PUM2: variants seen among roughly 807,000 people sequenced by gnomAD.
The protein encoded by PUM2 is pumilio RNA binding family member 2.
In PUM2, 57 loss-of-function variants were observed where a neutral mutation model predicts 124.5. The observed-to-expected ratio is 0.46, with a 90% CI of 0.37 to 0.57. The LOEUF (loss-of-function observed/expected upper bound fraction) is 0.57. Ranked by LOEUF, PUM2 falls within the 20% of genes least tolerant of loss-of-function variation. The pLI is 0.00. For missense variants in PUM2, 1,065 were observed against 1,290.6 expected (o/e 0.83, Z 2.68); for synonymous variants, 460 against 446.1 (o/e 1.03, Z -0.39).
chr2:20,288,537 AGT>A (rs911387134), intron 10 of PUM2, among the ~76,000 whole-genome samples: 4 of 152,210 alleles, frequency 2.6e-5, no homozygotes, highest in African/African-American at 7.2e-5. Context: ...AGAATAGCAC[AGT>A]GGGGTTGAAA....
intron 1 of PUM2, chr2:20,332,833 T>C (rs2148942534): frequency 6.6e-6 from 1 of 152,318 alleles, no homozygotes; most frequent in East Asian, 1.9e-4. Context: ...CACTGTTTAT[T>C]TGAAAAAAAT....
At chr2:20,252,740 C>T (rs1663755836) in intron 20 of PUM2, among the ~76,000 whole-genome samples, 1 of 152,252 alleles carries the variant, frequency 6.6e-6, no homozygotes, top group African/African-American at 2.4e-5. Context: ...ACTACCTCCC[C>T]ACAACATAAA....
In PUM2 at chr2:20,274,005, G is replaced by T. The variant is rs1043896028; in HGVS notation, c.1957+4578C>A. On this transcript the variant is annotated intron_variant, in intron 13 of 20. Transcript: ENST00000361078. ...AGTTATTTATATACTTTGTAAAATT[G>T]TTCAGTTCCTATAGAATAGCATAAT... Among the ~76,000 whole-genome samples the T allele has an allele frequency of 5.3e-5, 8 of 152,194 alleles. 1 individual carries two copies. The South Asian group carries it at 8.3e-4, about 16-fold the overall frequency.
At chr2:20,321,833 A>G (rs529350296) in intron 2 of PUM2, among the ~76,000 whole-genome samples, 5 of 152,256 alleles carry the variant, frequency 3.3e-5, no homozygotes, top group African/African-American at 7.2e-5. Context: ...ACTCTAAAAG[A>G]AGGTCAGGCA....
chr2:20,336,793 T>G (rs1384021961), intron 1 of PUM2, among the ~76,000 whole-genome samples: 7 of 99,186 alleles, frequency 7.1e-5, no homozygotes, highest in African/African-American at 2.6e-4. Context: ...TGTGTGTGTG[T>G]GTGTGTGTGG....
At chr2:20,297,169 T>G (rs1288703758) in intron 8 of PUM2, among the ~76,000 whole-genome samples, 1 of 152,248 alleles carries the variant, frequency 6.6e-6, no homozygotes, top group Non-Finnish European at 1.5e-5. Flanking sequence ...TTTATCTTAC[T>G]CTATTCTACC....
At chr2:20,279,816 G>GTCCAA (rs1481765387) in intron 12 of PUM2, among the ~76,000 whole-genome samples, 1 of 152,070 alleles carries the variant, frequency 6.6e-6, no homozygotes, top group African/African-American at 2.4e-5. Context: ...TCTAAGGGCT[G>GTCCAA]TCCAAACTCT....
intron 8 of PUM2, among the ~76,000 whole-genome samples, chr2:20,296,350 C>T (rs183721886): frequency 3.9e-5 from 6 of 152,186 alleles, no homozygotes; most frequent in Admixed American, 2.0e-4. Context: ...AAAAAATTAG[C>T]CAGGCGTGGT....
intron 16 of PUM2, 142 bp from the exon 17 acceptor site, chr2:20,256,312 A>G: frequency 1.3e-6 from 1 of 766,266 alleles, no homozygotes; most frequent in Non-Finnish European, 1.9e-6. Flanking sequence ...GGGAACACAA[A>G]TATATTCACA....
chr2:20,270,019 T>C lies in PUM2; in HGVS notation c.1958-6559A>G, dbSNP rs770913439. On this transcript the variant is annotated intron_variant, in intron 13 of 20. Transcript: ENST00000361078. ...TTTCCATTACCCTATCAAAAGGGGG[T>C]AATGTATAGTTCCAAAAGTTGCCTC... Among the ~76,000 whole-genome samples the C allele has an allele frequency of 4.7e-4, 72 of 152,106 alleles. No homozygotes were observed. In the Middle Eastern group the frequency reaches 0.027, roughly 57 times the overall value.
Position 20,260,325 on chromosome 2 carries a change from A to G in PUM2, c.2355+12T>C. Reference sequence around the variant, plus strand: ...TGGATGGGCGGATATACAAATATGCATGAATCCTTACCTCAAAAAACTTCT... The same window carrying G: ...TGGATGGGCGGATATACAAATATGCGTGAATCCTTACCTCAAAAAACTTCT... On this transcript the variant is annotated intron_variant, in intron 15 of 20. Coordinates refer to ENST00000361078, the MANE Select transcript of PUM2 (RefSeq NM_015317.5). 3 of 1,603,538 alleles carry G rather than the reference A, an allele frequency of 1.9e-6. No individual in the cohort carries two copies. In the South Asian group the frequency reaches 3.3e-5, roughly 18 times the overall value.
chr2:20,315,560 C>CA (rs937373769), intron 3 of PUM2, among the ~76,000 whole-genome samples: 6 of 151,926 alleles, frequency 3.9e-5, no homozygotes, highest in African/African-American at 1.5e-4. Context: ...ATGAGTGGTA[C>CA]AAAAAATTGA....
At chr2:20,329,806 G>T (rs1413869449) in intron 1 of PUM2, among the ~76,000 whole-genome samples, 1 of 152,154 alleles carries the variant, frequency 6.6e-6, no homozygotes, top group Non-Finnish European at 1.5e-5. Flanking sequence ...ATTTAGTTGG[G>T]TGTTACAAGA....
At chr2:20,336,342 G>A (rs1290783576) in intron 1 of PUM2, among the ~76,000 whole-genome samples, 3 of 151,726 alleles carry the variant, frequency 2.0e-5, no homozygotes, top group Non-Finnish European at 4.4e-5. Flanking sequence ...ATACCACTAT[G>A]CCCAACTAAT....
chr2:20,332,595 A>C (rs1246981831), intron 1 of PUM2, among the ~76,000 whole-genome samples: 1 of 152,146 alleles, frequency 6.6e-6, no homozygotes. Flanking sequence ...AGTTGAAGAG[A>C]TGGGGAGACA....
intron 1 of PUM2, among the ~76,000 whole-genome samples, chr2:20,336,141 C>T (rs1211355279): frequency 1.3e-5 from 2 of 152,136 alleles, no homozygotes; most frequent in East Asian, 3.8e-4. Context: ...ATGAAGATGA[C>T]AAGCTTTAGA....
intron 2 of PUM2, among the ~76,000 whole-genome samples, chr2:20,323,611 G>A (rs530776371): frequency 2.0e-5 from 3 of 151,982 alleles, no homozygotes; most frequent in South Asian, 2.1e-4. Flanking sequence ...TCACTTTAAC[G>A]ATTTTGTCCA....
chr2:20,351,009 T>A (rs1689279114), upstream of PUM2, among the ~76,000 whole-genome samples: 1 of 151,618 alleles, frequency 6.6e-6, no homozygotes, highest in Admixed American at 6.6e-5. Flanking sequence ...CTCTCACGTG[T>A]TTGGCCGCCT....
At chr2:20,262,235 C>T (rs1433929044) in intron 14 of PUM2, among the ~76,000 whole-genome samples, 1 of 152,224 alleles carries the variant, frequency 6.6e-6, no homozygotes, top group African/African-American at 2.4e-5. Flanking sequence ...CATATACTCA[C>T]AACTCACTCA....
Sources: allele counts gnomAD v4.1 joint callset (sites outside exome capture counted in the v4.1 genomes callset), GRCh38; gene constraint gnomAD v4.1.1; transcripts MANE v1.5; gene names NCBI Gene and HGNC (gene_info 2026-07-23, HGNC 2026-07-21).